Variants in SGTA observed in about 807,000 individuals in gnomAD.
SGTA encodes small glutamine-rich tetratricopeptide repeat-containing protein alpha.
SGTA carries 22 observed loss-of-function variants against 44.3 expected under a neutral mutation model. That is an observed-to-expected ratio of 0.50 (90% CI 0.36 to 0.71). The LOEUF is 0.71. SGTA is among the 30% of genes least tolerant of loss of function. The pLI is 0.00. For synonymous variants in SGTA, 174 were observed against 177.6 expected (o/e 0.98, Z 0.16); for missense variants, 341 against 435.9 (o/e 0.78, Z 1.94).
Position 2,767,321 on chromosome 19 carries a change from G to A in SGTA, c.208-101C>T, listed in dbSNP as rs1000608552. 3.3e-5 allele frequency: 31 copies of A among 945,612 alleles called. No individual in the cohort carries two copies. Among genetic ancestry groups the A allele is most frequent in the African/African-American group, 1.3e-4 (8 of 61,488 alleles). The allele number at this position is 945,612 out of a possible 1,614,324, so 58.6% of individuals were successfully genotyped here. A position where few individuals can be genotyped will look rare whatever the true frequency, so the allele number is the denominator to read the frequency against. ...ACGCCAGAGAGGGCCACCAAGTTCCGAAGGACCCGGGGGCTCTGCAGGGGA... is the reference window on the plus strand; with the variant it reads ...ACGCCAGAGAGGGCCACCAAGTTCCAAAGGACCCGGGGGCTCTGCAGGGGA... On this transcript the variant is annotated intron_variant, in intron 3 of 11. Transcript: ENST00000221566. The surrounding 1 kb of genome is among the most constrained non-coding windows in gnomAD (Gnocchi z 7.3).
At position 2,769,023 on chromosome 19, in the gene SGTA, G is replaced by A. The variant is rs1599503150; in HGVS notation, c.46C>T (p.His16Tyr). Residue 16 changes from histidine (H) to tyrosine (Y), a missense_variant, in exon 2 of 12, where the codon CAT (histidine) becomes TAT (tyrosine). Transcript: ENST00000221566. ...RLAYAIIQFLHDQLRHGGLSS... is the reference protein window; with the variant it reads ...RLAYAIIQFLYDQLRHGGLSS... Reference sequence around the variant, plus strand: ...AGGCCCCCGTGCCGGAGCTGGTCATGCAGGAACTGGATGATGGCGTAGGCC... The same window carrying A: ...AGGCCCCCGTGCCGGAGCTGGTCATACAGGAACTGGATGATGGCGTAGGCC... 2 of 1,613,914 alleles carry A rather than the reference G, an allele frequency of 1.2e-6. No homozygotes were observed. Among genetic ancestry groups the A allele is most frequent in the Middle Eastern group, 1.6e-4 (1 of 6,080 alleles).
chr19:2,774,270 G>A (rs1417434856), intron 1 of SGTA, among the ~76,000 whole-genome samples: 1 of 152,190 alleles, frequency 6.6e-6, no homozygotes, highest in East Asian at 1.9e-4. Flanking sequence ...GCCAGGTTGG[G>A]CAGGGACGCG....
intron 2 of SGTA, among the ~76,000 whole-genome samples, chr19:2,768,401 A>C (rs1371952858): frequency 6.6e-6 from 1 of 152,196 alleles, no homozygotes; most frequent in Admixed American, 6.5e-5. Context: ...CCCAGGACAC[A>C]GGTGAGCGAG....
intron 7 of SGTA, among the ~76,000 whole-genome samples, 182 bp downstream of exon 7, chr19:2,762,324 G>C (rs1209030683): frequency 1.3e-5 from 2 of 152,172 alleles, no homozygotes; most frequent in African/African-American, 4.8e-5. Context: ...CAGGGGTCTG[G>C]GGGCATGAAC....
At position 2,757,772 on chromosome 19, in the gene SGTA, T is replaced by C; in HGVS notation, c.748A>G (p.Met250Val). The C allele has an allele frequency of 1.3e-6, 2 of 1,599,136 alleles. No homozygotes were observed. The highest frequency in any genetic ancestry group is 1.7e-6 in the Non-Finnish European group (2 of 1,173,346). ...AAGGGGTTGTTGCCACCCGAAATCATGCCGGACATGCTGCAGGAGAGAGCG... is the reference window on the plus strand; with the variant it reads ...AAGGGGTTGTTGCCACCCGAAATCACGCCGGACATGCTGCAGGAGAGAGCG... ...NPQIQQLMSG[M>V]ISGGNNPLGT... is the part of the protein sequence containing the mutation. Residue 250 changes from methionine (M) to valine (V), a missense_variant, in exon 10 of 12, where the codon ATG becomes GTG. Physicochemically the swap from Met to Val is conservative, Grantham distance 21. Transcript: ENST00000221566.
At chr19:2,756,824 G>T (rs969822413) in intron 11 of SGTA, among the ~76,000 whole-genome samples, 2 of 152,144 alleles carry the variant, frequency 1.3e-5, no homozygotes, top group Admixed American at 1.3e-4. Flanking sequence ...TTAAACAACT[G>T]TAAGTGCAAC....
chr19:2,782,804 G>C (rs1281927687), intron 1 of SGTA: 1 of 152,208 alleles, frequency 6.6e-6, no homozygotes, highest in Non-Finnish European at 1.5e-5. Flanking sequence ...GAAGCCAAGA[G>C]GCTGGGCAAG....
intron 1 of SGTA, among the ~76,000 whole-genome samples, chr19:2,779,132 C>T (rs1464040669): frequency 1.3e-5 from 2 of 152,178 alleles, no homozygotes; most frequent in African/African-American, 4.8e-5. Flanking sequence ...CTGTAAATCA[C>T]TGATGGCCAC....
intron 4 of SGTA, among the ~76,000 whole-genome samples, chr19:2,766,844 C>T (rs191565151): frequency 1.3e-5 from 2 of 151,940 alleles, no homozygotes; most frequent in Non-Finnish European, 2.9e-5. Context: ...GTGGAACCGG[C>T]GGGTCTCATG....
At position 2,774,530 on chromosome 19, in the gene SGTA, G is replaced by A. The variant is rs116097480; in HGVS notation, c.-23-5439C>T. Reference sequence around the variant, plus strand: ...ACAGATGTCTAATGGCCCGAGACACGTAGGTTAACACCCGTGCACGCGTAC... The same window carrying A: ...ACAGATGTCTAATGGCCCGAGACACATAGGTTAACACCCGTGCACGCGTAC... On this transcript the variant is annotated intron_variant, in intron 1 of 11. Transcript: ENST00000221566. 3.2e-3 allele frequency among the ~76,000 whole-genome samples: 494 copies of A among 152,202 alleles called. 4 individuals carry two copies. The highest frequency in any genetic ancestry group is 0.011 in the African/African-American group (465 of 41,514).
intron 1 of SGTA, among the ~76,000 whole-genome samples, chr19:2,781,398 C>T (rs762332553): frequency 1.3e-5 from 2 of 152,158 alleles, no homozygotes; most frequent in South Asian, 2.1e-4. Flanking sequence ...GCTCTGCAGG[C>T]GTTAAGTTCC....
At chr19:2,770,629 G>C (rs541419330) in intron 1 of SGTA, 1 of 153,118 alleles carries the variant, frequency 6.5e-6, no homozygotes, top group Non-Finnish European at 1.5e-5. Flanking sequence ...CCTGGGACCT[G>C]AGCACGGGAC....
At chr19:2,782,053 G>C (rs1915587700) in intron 1 of SGTA, among the ~76,000 whole-genome samples, 1 of 152,138 alleles carries the variant, frequency 6.6e-6, no homozygotes, top group Non-Finnish European at 1.5e-5. Flanking sequence ...CGTTGGCTAG[G>C]CTGGTCTTGA....
intron 1 of SGTA, among the ~76,000 whole-genome samples, chr19:2,771,379 A>G (rs1026483848): frequency 6.6e-6 from 1 of 152,126 alleles, no homozygotes; most frequent in Non-Finnish European, 1.5e-5. Context: ...AGCTGAGATC[A>G]CACCACTGCA....
chr19:2,760,540 A>C (rs914542739), intron 8 of SGTA, among the ~76,000 whole-genome samples: 17 of 148,684 alleles, frequency 1.1e-4, no homozygotes, highest in Non-Finnish European at 1.3e-4. Flanking sequence ...AAAAAAAAAA[A>C]CCAAAAAAAA....
At position 2,757,798 on chromosome 19, in the gene SGTA, C is replaced by A; in HGVS notation, c.738-16G>T. 1.3e-6 allele frequency: 2 copies of A among 1,543,442 alleles called. No individual in the cohort carries two copies. The highest frequency in any genetic ancestry group is 1.7e-6 in the Non-Finnish European group (2 of 1,143,032). ...GCCGGACATGCTGCAGGAGAGAGCG[C>A]GTGACTCGCAGCCGGGACAGCCTGA... On this transcript the variant is annotated splice_polypyrimidine_tract_variant and intron_variant, in intron 9 of 11. Transcript: ENST00000221566.
intron 1 of SGTA, among the ~76,000 whole-genome samples, chr19:2,774,855 C>T (rs1309169225): frequency 6.6e-6 from 1 of 152,098 alleles, no homozygotes; most frequent in African/African-American, 2.4e-5. Flanking sequence ...GCTGTGTGCG[C>T]GCGCATGTGT....
chr19:2,757,660 G>A (rs748939557), intron 10 of SGTA, 33 bp downstream of exon 10: 30 of 1,508,816 alleles, frequency 2.0e-5, no homozygotes, highest in South Asian at 6.5e-5. Flanking sequence ...CGCCGCCCAC[G>A]TCCTCCGTCC....
At chr19:2,779,800 C>T (rs999613455) in intron 1 of SGTA, among the ~76,000 whole-genome samples, 1 of 152,126 alleles carries the variant, frequency 6.6e-6, no homozygotes, top group Admixed American at 6.5e-5. Context: ...TCGGTCGGGG[C>T]GGTGGCTCAC....
Sources: allele counts gnomAD v4.1 joint callset (sites outside exome capture counted in the v4.1 genomes callset), GRCh38; gene constraint gnomAD v4.1.1; non-coding constraint Gnocchi (gnomAD v3.1); transcripts MANE v1.5; gene names NCBI Gene and HGNC (gene_info 2026-07-23, HGNC 2026-07-21).